Variants in RAD51B observed in about 807,000 individuals in gnomAD.
RAD51B encodes the protein DNA repair protein RAD51 homolog 2.
In RAD51B, 38 loss-of-function variants were observed where a neutral mutation model predicts 42.2. The ratio of observed to expected loss-of-function variants is 0.90; its 90% confidence interval spans 0.70 to 1.18. The LOEUF (loss-of-function observed/expected upper bound fraction) is 1.18, where lower values mean the gene tolerates loss of function less well. Ranked by LOEUF, RAD51B falls within the 50% of genes most tolerant of loss-of-function variation. The pLI is 0.00. For missense variants in RAD51B, 373 were observed against 400.7 expected (o/e 0.93, Z 0.59); for synonymous variants, 154 against 145.2 (o/e 1.06, Z -0.43).
At chr14:68,557,349 T>A (rs1888906916) in intron 10 of RAD51B, among the ~76,000 whole-genome samples, 1 of 152,216 alleles carries the variant, frequency 6.6e-6, no homozygotes, top group Non-Finnish European at 1.5e-5. Flanking sequence ...CAAAATCATC[T>A]AACACAAAGC....
At chr14:68,004,969 A>C (rs1449186296) in intron 7 of RAD51B, among the ~76,000 whole-genome samples, 8 of 140,700 alleles carry the variant, frequency 5.7e-5, no homozygotes, top group Admixed American at 4.4e-4. Flanking sequence ...GCAGTATACT[A>C]TTTTGTGATT....
chr14:67,917,198 T>C (rs1389854692), intron 7 of RAD51B, among the ~76,000 whole-genome samples: 2 of 152,222 alleles, frequency 1.3e-5, no homozygotes, highest in African/African-American at 2.4e-5. Context: ...GTTCTTGCGT[T>C]GCTATAAAGG....
In RAD51B at chr14:68,226,246, G is replaced by A. The variant is rs376183534; in HGVS notation, c.757-65638G>A. On this transcript the variant is annotated intron_variant, in intron 7 of 10. Transcript: ENST00000471583. ...TCGGTTTTCTAATCTATAAAATGAG[G>A]GAGCCAACCTAAATGGCTCAAAAAG... 5.3e-5 allele frequency among the ~76,000 whole-genome samples: 8 copies of A among 152,108 alleles called. No individual in the cohort carries two copies. In the East Asian group the frequency reaches 1.2e-3, roughly 22 times the overall value.
At chr14:68,432,580 CTTTT>C in intron 9 of RAD51B, among the ~76,000 whole-genome samples, 1 of 152,130 alleles carries the variant, frequency 6.6e-6, no homozygotes, top group East Asian at 1.9e-4. Context: ...CAACTCCTGC[CTTTT>C]TTTGTTTTCC....
chr14:68,288,286 G>A (rs561635034), intron 7 of RAD51B, among the ~76,000 whole-genome samples: 1 of 152,266 alleles, frequency 6.6e-6, no homozygotes, highest in Admixed American at 6.5e-5. Flanking sequence ...CCTTTTTGCT[G>A]AAAACAGATT....
intron 9 of RAD51B, among the ~76,000 whole-genome samples, chr14:68,444,712 T>G (rs1036663977): frequency 3.3e-5 from 5 of 152,172 alleles, no homozygotes; most frequent in African/African-American, 1.2e-4. Context: ...TTGCTGTATT[T>G]TGTCACACAG....
At chr14:68,517,983 G>A (rs1458366819) in intron 10 of RAD51B, among the ~76,000 whole-genome samples, 2 of 152,080 alleles carry the variant, frequency 1.3e-5, no homozygotes, top group Non-Finnish European at 1.5e-5. Flanking sequence ...AAAGCTCAGT[G>A]GGCTGAGGAA....
At chr14:68,244,088 G>A (rs139826243) in intron 7 of RAD51B, among the ~76,000 whole-genome samples, 3 of 152,188 alleles carry the variant, frequency 2.0e-5, no homozygotes, top group African/African-American at 4.8e-5. Context: ...TGATATGCTG[G>A]TGGGCTCTAT....
chr14:68,091,123 C>A (rs1192731375), intron 7 of RAD51B, among the ~76,000 whole-genome samples: 1 of 151,972 alleles, frequency 6.6e-6, no homozygotes, highest in African/African-American at 2.4e-5. Context: ...TGGGTTGGTC[C>A]CAAGTCTTTG....
At chr14:68,540,484 T>C in intron 10 of RAD51B, 13 of 985,408 alleles carry the variant, frequency 1.3e-5, no homozygotes, top group Non-Finnish European at 1.6e-5. Context: ...GAGAGACTTA[T>C]TTATTGCTCA....
intron 8 of RAD51B, among the ~76,000 whole-genome samples, chr14:68,408,487 C>T (rs1458489971): frequency 6.6e-6 from 1 of 152,166 alleles, no homozygotes; most frequent in Non-Finnish European, 1.5e-5. Flanking sequence ...GCGTAGAAAC[C>T]ATCCACCTTG....
chr14:68,140,198 G>T (rs1327933163), intron 7 of RAD51B, among the ~76,000 whole-genome samples: 1 of 152,178 alleles, frequency 6.6e-6, no homozygotes, highest in South Asian at 2.1e-4. Flanking sequence ...AAAGGAGTTG[G>T]CATCAATTTA....
intron 8 of RAD51B, among the ~76,000 whole-genome samples, chr14:68,303,939 G>T (rs2081802940): frequency 6.6e-6 from 1 of 152,216 alleles, no homozygotes; most frequent in South Asian, 2.1e-4. Flanking sequence ...GGAGGCTGAG[G>T]TGGGCAGATC....
At chr14:68,040,853 A>G (rs147818730) in intron 7 of RAD51B, among the ~76,000 whole-genome samples, 9 of 152,350 alleles carry the variant, frequency 5.9e-5, no homozygotes, top group African/African-American at 1.7e-4. Flanking sequence ...TTTGAACAAG[A>G]TCCTCCAGGT....
At chr14:68,649,049 T>G (rs1206695628) in intron 10 of RAD51B, among the ~76,000 whole-genome samples, 2 of 152,076 alleles carry the variant, frequency 1.3e-5, no homozygotes, top group East Asian at 3.9e-4. Flanking sequence ...GAGGTGGAGA[T>G]CTTTTGGAGT....
intron 7 of RAD51B, among the ~76,000 whole-genome samples, chr14:68,182,376 G>A (rs1243104862): frequency 2.0e-5 from 3 of 152,234 alleles, no homozygotes; most frequent in African/African-American, 7.2e-5. Context: ...AGACAAATGT[G>A]TTTGCACAGT....
chr14:68,202,514 C>G (rs2079507112), intron 7 of RAD51B, among the ~76,000 whole-genome samples: 1 of 151,448 alleles, frequency 6.6e-6, no homozygotes, highest in African/African-American at 2.4e-5. Context: ...AGCACCTTCA[C>G]CAGGAGTAGA....
intron 7 of RAD51B, among the ~76,000 whole-genome samples, chr14:68,071,312 A>G (rs974289297): frequency 9.2e-5 from 14 of 152,040 alleles, no homozygotes; most frequent in Admixed American, 6.6e-4. Context: ...ACTGAATAGG[A>G]GCAGTGAGAG....
At chr14:68,238,973 G>A (rs149194255) in intron 7 of RAD51B, among the ~76,000 whole-genome samples, 121 of 152,260 alleles carry the variant, frequency 7.9e-4, no homozygotes, top group Non-Finnish European at 1.5e-3. Flanking sequence ...ACCACTATCA[G>A]GAGACACTAG....
Sources: gnomAD v4.1 joint callset for allele counts (sites outside exome capture counted in the v4.1 genomes callset) on GRCh38, gnomAD v4.1.1 for gene constraint, MANE v1.5 for transcripts, NCBI Gene and HGNC (gene_info 2026-07-23, HGNC 2026-07-21) for gene names.